The following TRAPPC9 variants were observed in gnomAD, a reference collection of about 807,000 sequenced individuals.
The protein encoded by TRAPPC9 is IKK2 binding protein.
Under a neutral mutation model 124.0 loss-of-function variants are expected in TRAPPC9, and 83 were observed. That is an observed-to-expected ratio of 0.67 (90% CI 0.56 to 0.80). The LOEUF is 0.80. TRAPPC9 is among the 30% of genes least tolerant of loss of function. The probability of loss-of-function intolerance (pLI) is 0.00; values close to 1 mark genes in which losing one functional copy is unlikely to be tolerated. For missense variants in TRAPPC9, 1,302 were observed against 1,508.3 expected (o/e 0.86, Z 2.27); for synonymous variants, 638 against 617.5 (o/e 1.03, Z -0.49).
chr8:140,084,809 G>A (rs189650384), intron 17 of TRAPPC9, among the ~76,000 whole-genome samples: 92 of 152,336 alleles, frequency 6.0e-4, no homozygotes, highest in Middle Eastern at 3.4e-3. Context: ...CCTTGGAGAC[G>A]TTTACCAAGC....
At chr8:139,985,381 G>A (rs1031387265) in intron 19 of TRAPPC9, among the ~76,000 whole-genome samples, 1 of 152,124 alleles carries the variant, frequency 6.6e-6, no homozygotes, top group Non-Finnish European at 1.5e-5. Context: ...AGAGCAGTCC[G>A]AGGGCTGACA....
chr8:139,847,940 C>T (rs1417020924), intron 21 of TRAPPC9, among the ~76,000 whole-genome samples: 1 of 152,244 alleles, frequency 6.6e-6, no homozygotes, highest in Non-Finnish European at 1.5e-5. Context: ...GCCGCCTCTG[C>T]CTGTGCCCTG....
chr8:139,971,722 TACAC>T (rs577564731), intron 19 of TRAPPC9, among the ~76,000 whole-genome samples: 1 of 115,962 alleles, frequency 8.6e-6, no homozygotes, highest in Admixed American at 9.1e-5. Context: ...TATATATATA[TACAC>T]ACACACACAC....
intron 17 of TRAPPC9, among the ~76,000 whole-genome samples, chr8:140,041,605 C>T (rs151012838): frequency 3.2e-3 from 487 of 152,304 alleles, no homozygotes; most frequent in South Asian, 9.7e-3. Flanking sequence ...ATGGGGAGAA[C>T]GCTCGTGACT....
At chr8:140,442,685 T>C (rs1464479963) in intron 2 of TRAPPC9, among the ~76,000 whole-genome samples, 2 of 152,034 alleles carry the variant, frequency 1.3e-5, no homozygotes, top group African/African-American at 2.4e-5. Context: ...CTTGGTATTC[T>C]AGTCCAAAAA....
At chr8:140,173,100 G>T (rs1051582156) in intron 17 of TRAPPC9, among the ~76,000 whole-genome samples, 1 of 152,156 alleles carries the variant, frequency 6.6e-6, no homozygotes, top group African/African-American at 2.4e-5. Context: ...CATAGGGTCT[G>T]CATTTGTACT....
At position 140,304,374 on chromosome 8, in the gene TRAPPC9, T is replaced by C. The variant is rs150091021; in HGVS notation, c.1623-3760A>G. Among the ~76,000 whole-genome samples, 424 of 152,216 alleles carry C rather than the reference T, an allele frequency of 2.8e-3. 1 individual carries two copies. The highest frequency in any genetic ancestry group is 9.7e-3 in the African/African-American group (403 of 41,510). The stretch of plus-strand genomic sequence containing the variant: ...CCTCCCAAAGTGCCAGTATTACAGG[T>C]ATGAACCACCGTGCCCAGCCCCAAT... On this transcript the variant is annotated intron_variant, in intron 10 of 22. Transcript: ENST00000438773.
intron 18 of TRAPPC9, among the ~76,000 whole-genome samples, chr8:140,013,709 C>T (rs553343932): frequency 1.3e-5 from 2 of 152,332 alleles, no homozygotes; most frequent in East Asian, 3.9e-4. Context: ...ACCTGACACA[C>T]AACAGAAGTG....
chr8:139,904,667 G>C lies in TRAPPC9; in HGVS notation c.2964+5480C>G, dbSNP rs529575105. The C allele has an allele frequency of 2.0e-5, 3 of 152,374 alleles. No homozygotes were observed. The South Asian group carries it at 6.2e-4, about 32-fold the overall frequency. The allele number at this position is 152,374 out of a possible 1,614,324, so 9.4% of individuals were successfully genotyped here. On this transcript the variant is annotated intron_variant, in intron 20 of 22. Transcript: ENST00000438773. ...TTTACTTATGTTTTGAAAGGGGTAG[G>C]TACTACCTGCTTTGCAGGTCTGAGG...
intron 8 of TRAPPC9, among the ~76,000 whole-genome samples, chr8:140,370,304 T>C (rs985747565): frequency 1.2e-4 from 18 of 152,098 alleles, no homozygotes; most frequent in Non-Finnish European, 7.4e-5. Flanking sequence ...CATGCCCAGC[T>C]AATTTTTGTT....
intron 17 of TRAPPC9, among the ~76,000 whole-genome samples, chr8:140,039,019 A>G (rs1841091363): frequency 6.6e-6 from 1 of 152,204 alleles, no homozygotes; most frequent in Non-Finnish European, 1.5e-5. Flanking sequence ...TGCAGGGTCA[A>G]AGCCTCAGGT....
At position 140,361,947 on chromosome 8, in the gene TRAPPC9, T is replaced by C. The variant is rs145828797; in HGVS notation, c.1352-1754A>G. 6.2e-4 allele frequency among the ~76,000 whole-genome samples: 94 copies of C among 152,260 alleles called. No homozygotes were observed. The East Asian group carries it at 0.015, about 25-fold the overall frequency. ...ATCCTAACCTTTCTCTGTTTGCCCATTGATATTTGAAGACGTTGCTCCAAG... is the reference window on the plus strand; with the variant it reads ...ATCCTAACCTTTCTCTGTTTGCCCACTGATATTTGAAGACGTTGCTCCAAG... On this transcript the variant is annotated intron_variant, in intron 8 of 22. Coordinates refer to ENST00000438773, the MANE Select transcript of TRAPPC9 (RefSeq NM_001160372.4).
At chr8:140,183,937 GA>G (rs2062278450) in intron 17 of TRAPPC9, among the ~76,000 whole-genome samples, 2 of 55,930 alleles carry the variant, frequency 3.6e-5, no homozygotes, top group Non-Finnish European at 8.0e-5. Context: ...GAGAGGAGAG[GA>G]GAGGAGAGGA....
chr8:140,023,194 A>T (rs2131916821), intron 18 of TRAPPC9, among the ~76,000 whole-genome samples: 1 of 152,338 alleles, frequency 6.6e-6, no homozygotes, highest in Non-Finnish European at 1.5e-5. Context: ...GGCTGCTGGC[A>T]CTACGGAGGA....
intron 17 of TRAPPC9, among the ~76,000 whole-genome samples, chr8:140,054,270 GCAATACATCCATGTGA>G (rs1842174312): frequency 6.6e-6 from 1 of 152,188 alleles, no homozygotes; most frequent in Non-Finnish European, 1.5e-5. Context: ...CCAACATCAT[GCAATACATCCATGTGA>G]CAAACCTGCA....
chr8:140,114,808 G>A (rs1206108591), intron 17 of TRAPPC9, among the ~76,000 whole-genome samples: 2 of 152,214 alleles, frequency 1.3e-5, no homozygotes, highest in African/African-American at 4.8e-5. Context: ...AAGGAGCCAA[G>A]AGACAAGAGG....
At chr8:140,352,550 T>C (rs1656123947) in intron 9 of TRAPPC9, among the ~76,000 whole-genome samples, 1 of 152,076 alleles carries the variant, frequency 6.6e-6, no homozygotes, top group Admixed American at 6.5e-5. Flanking sequence ...CCCAACACCT[T>C]AGGACTGGGC....
chr8:139,779,005 ATT>A (rs1422616127), intron 21 of TRAPPC9, among the ~76,000 whole-genome samples: 5 of 152,128 alleles, frequency 3.3e-5, no homozygotes, highest in Non-Finnish European at 5.9e-5. Flanking sequence ...ATTACTTTTA[ATT>A]TGCCATTAAA....
chr8:140,138,670 G>A (rs1271742743), intron 17 of TRAPPC9, among the ~76,000 whole-genome samples: 3 of 152,138 alleles, frequency 2.0e-5, no homozygotes, highest in Non-Finnish European at 2.9e-5. Flanking sequence ...AACAGTAAGC[G>A]CATTCTGCCT....
Sources: gnomAD v4.1 joint callset for allele counts (sites outside exome capture counted in the v4.1 genomes callset) on GRCh38, gnomAD v4.1.1 for gene constraint, MANE v1.5 for transcripts, NCBI Gene and HGNC (gene_info 2026-07-23, HGNC 2026-07-21) for gene names.